PRKAG2: variants seen among roughly 807,000 people sequenced by gnomAD.
The protein encoded by PRKAG2 is protein kinase AMP-activated non-catalytic subunit gamma 2.
Under a neutral mutation model 69.6 loss-of-function variants are expected in PRKAG2, and 26 were observed. The observed-to-expected ratio is 0.37, with a 90% CI of 0.27 to 0.52. The LOEUF is 0.52. Ranked by LOEUF, PRKAG2 falls within the 20% of genes least tolerant of loss-of-function variation. PRKAG2 has a pLI of 0.90. For synonymous variants in PRKAG2, 293 were observed against 285.0 expected, an observed-to-expected ratio of 1.03 and a Z score of -0.28; for missense variants, 557 against 740.0, an observed-to-expected ratio of 0.75 and a Z score of 2.87.
At chr7:151,685,158 G>A (rs998429728) in intron 3 of PRKAG2, among the ~76,000 whole-genome samples, 3 of 152,116 alleles carry the variant, frequency 2.0e-5, no homozygotes, top group South Asian at 2.1e-4. Context: ...TGGGAGTGGC[G>A]AGGTCATCTT....
chr7:151,818,142 T>C (rs1030185535), intron 1 of PRKAG2, among the ~76,000 whole-genome samples: 2 of 152,200 alleles, frequency 1.3e-5, no homozygotes, highest in African/African-American at 4.8e-5. Flanking sequence ...TGGGGCCTTA[T>C]GATATTACAT....
chr7:151,678,728 G>A (rs1422106361), intron 3 of PRKAG2, among the ~76,000 whole-genome samples: 1 of 152,250 alleles, frequency 6.6e-6, no homozygotes, highest in Non-Finnish European at 1.5e-5. Context: ...GGAGGCTGAA[G>A]TGGGTGGACC....
At chr7:151,782,421 G>A (rs1304975128) in intron 2 of PRKAG2, among the ~76,000 whole-genome samples, 1 of 144,572 alleles carries the variant, frequency 6.9e-6, no homozygotes, top group Admixed American at 6.9e-5. Context: ...AGGAAGGAAG[G>A]AAGGAAAGAA....
chr7:151,798,944 T>G (rs1468255294), intron 1 of PRKAG2, among the ~76,000 whole-genome samples: 2 of 152,134 alleles, frequency 1.3e-5, no homozygotes, highest in East Asian at 3.9e-4. Context: ...CCCCTGGCCC[T>G]TTGACATGCA....
Position 151,673,944 on chromosome 7 carries a change from C to T in PRKAG2, c.684+1476G>A, listed in dbSNP as rs76722299. Among the ~76,000 whole-genome samples, 384 of 151,260 alleles carry T rather than the reference C, an allele frequency of 2.5e-3. 2 individuals carry two copies. Among genetic ancestry groups the T allele is most frequent in the African/African-American group, 8.6e-3 (353 of 41,184 alleles). On this transcript the variant is annotated intron_variant, in intron 4 of 15. Transcript: ENST00000287878. ...TGCAACCTCTGCCTCTGGGTTCCCA[C>T]GGTTCTCATGCCTCAGTCTCCTGAC...
chr7:151,732,700 G>A (rs1210451589), intron 3 of PRKAG2, among the ~76,000 whole-genome samples: 1 of 151,900 alleles, frequency 6.6e-6, no homozygotes, highest in Non-Finnish European at 1.5e-5. Flanking sequence ...ACCCAGAGTG[G>A]TTTTTCTTTG....
intron 5 of PRKAG2, among the ~76,000 whole-genome samples, chr7:151,617,052 G>A (rs979268762): frequency 6.6e-6 from 1 of 152,002 alleles, no homozygotes; most frequent in Non-Finnish European, 1.5e-5. Context: ...CTGAGGTCAA[G>A]AGTACAAGAC....
At chr7:151,566,584 G>T (rs914168562) in intron 11 of PRKAG2, 1 of 450,516 alleles carries the variant, frequency 2.2e-6, no homozygotes, top group Admixed American at 2.4e-5. Flanking sequence ...TTTTATAAAG[G>T]GTATAGTTGA....
At chr7:151,854,953 T>C (rs62480477) in intron 1 of PRKAG2, among the ~76,000 whole-genome samples, 10,058 of 108,048 alleles carry the variant, frequency 0.093, 770 homozygotes, top group East Asian at 0.23. Context: ...CCTCCACCAC[T>C]CTCCACATAC....
Position 151,855,098 on chromosome 7 carries a change from CCA to C in PRKAG2, c.114+21407_114+21408del, listed in dbSNP as rs1262131437. 9.5e-3 allele frequency among the ~76,000 whole-genome samples: 459 copies of C among 48,522 alleles called. 52 individuals carry two copies. Among genetic ancestry groups the C allele is most frequent in the African/African-American group, 0.023 (182 of 7,748 alleles). 31.8% of individuals were successfully genotyped at this position (48,522 alleles called of 152,430 possible). On this transcript the variant is annotated intron_variant, in intron 1 of 15. Coordinates refer to ENST00000287878, the MANE Select transcript of PRKAG2 (RefSeq NM_016203.4). ...CACCATCCTCCACACACACCATCCT[CCA>C]CACACACCACCCTACACACACACCA...
intron 3 of PRKAG2, among the ~76,000 whole-genome samples, chr7:151,742,190 G>A (rs923214195): frequency 6.6e-6 from 1 of 152,048 alleles, no homozygotes; most frequent in African/African-American, 2.4e-5. Flanking sequence ...CATGTGCACA[G>A]GAAAATTCAG....
At chr7:151,761,451 T>C (rs984813797) in intron 3 of PRKAG2, among the ~76,000 whole-genome samples, 3 of 152,200 alleles carry the variant, frequency 2.0e-5, no homozygotes, top group African/African-American at 7.2e-5. Context: ...TGGCAACCAA[T>C]TTGACCTCAC....
At chr7:151,815,935 C>T (rs57759461) in intron 1 of PRKAG2, among the ~76,000 whole-genome samples, 7,019 of 152,190 alleles carry the variant, frequency 0.046, 533 homozygotes, top group African/African-American at 0.16. Flanking sequence ...GCTTCTTCCA[C>T]GAGCCTGTGA....
At position 151,589,853 on chromosome 7, in the gene PRKAG2, T is replaced by C. The variant is rs180687245; in HGVS notation, c.864+5492A>G. On this transcript the variant is annotated intron_variant, in intron 6 of 15. Coordinates refer to ENST00000287878, the MANE Select transcript of PRKAG2 (RefSeq NM_016203.4). The stretch of plus-strand genomic sequence containing the variant: ...AGGTGGGTGAGGCACAAGAATTGCT[T>C]GAACCTGGGAGGCAGAGGTTGCAGT... Among the ~76,000 whole-genome samples, 260 of 152,270 alleles carry C rather than the reference T, an allele frequency of 1.7e-3. 1 individual carries two copies. The highest frequency in any genetic ancestry group is 6.0e-3 in the African/African-American group (250 of 41,542).
At chr7:151,623,943 A>G (rs1822177059) in intron 5 of PRKAG2, among the ~76,000 whole-genome samples, 1 of 152,286 alleles carries the variant, frequency 6.6e-6, no homozygotes, top group African/African-American at 2.4e-5. Flanking sequence ...GAACAATGAA[A>G]CATTCCACTT....
chr7:151,859,614 T>G (rs1384055120), intron 1 of PRKAG2, among the ~76,000 whole-genome samples: 1 of 152,174 alleles, frequency 6.6e-6, no homozygotes, highest in Non-Finnish European at 1.5e-5. Flanking sequence ...TGAGGCTGTG[T>G]GCCCAAGCCC....
intron 1 of PRKAG2, among the ~76,000 whole-genome samples, chr7:151,873,041 T>A (rs997886086): frequency 6.6e-6 from 1 of 152,250 alleles, no homozygotes; most frequent in South Asian, 2.1e-4. Context: ...TAAAACATGA[T>A]TCATTGTCTA....
At chr7:151,737,407 T>G (rs1367774745) in intron 3 of PRKAG2, among the ~76,000 whole-genome samples, 3 of 151,640 alleles carry the variant, frequency 2.0e-5, no homozygotes, top group Admixed American at 1.3e-4. Flanking sequence ...GGTAACTGAT[T>G]CTTCCCAAAT....
At chr7:151,684,489 G>T (rs1053561910) in intron 3 of PRKAG2, among the ~76,000 whole-genome samples, 3 of 152,202 alleles carry the variant, frequency 2.0e-5, no homozygotes, top group Non-Finnish European at 4.4e-5. Flanking sequence ...CTGCCCGTGG[G>T]CTTTGTGTGA....
Sources: allele counts gnomAD v4.1 joint callset (sites outside exome capture counted in the v4.1 genomes callset), GRCh38; gene constraint gnomAD v4.1.1; transcripts MANE v1.5; gene names NCBI Gene and HGNC (gene_info 2026-07-23, HGNC 2026-07-21).